RNF20: variants seen among roughly 807,000 people sequenced by gnomAD.
RNF20 encodes the protein ring finger protein 20, also known as E3 ubiquitin-protein ligase BRE1A.
RNF20 carries 84 observed loss-of-function variants against 126.2 expected under a neutral mutation model. The ratio of observed to expected loss-of-function variants is 0.67; its 90% confidence interval spans 0.56 to 0.80. RNF20 has a LOEUF of 0.80. Ranked by LOEUF, RNF20 falls within the 30% of genes least tolerant of loss-of-function variation. RNF20 has a pLI of 0.00. For synonymous variants in RNF20, 400 were observed against 414.3 expected (o/e 0.97, Z 0.42); for missense variants, 869 against 1,188.2 (o/e 0.73, Z 3.95).
intron 16 of RNF20, among the ~76,000 whole-genome samples, chr9:101,558,425 A>G (rs1827571535): frequency 6.6e-6 from 1 of 152,156 alleles, no homozygotes; most frequent in Non-Finnish European, 1.5e-5. Flanking sequence ...GATACCCGGA[A>G]GTGGGATTGC....
chr9:101,550,798 C>G lies in RNF20; in HGVS notation c.1272+13C>G. Reference sequence around the variant, plus strand: ...TGAGCTTATTGAGGTAATAGCCTTGCCTTGTCTTTTGTATGTAAGCTTTCT... The same window carrying G: ...TGAGCTTATTGAGGTAATAGCCTTGGCTTGTCTTTTGTATGTAAGCTTTCT... On this transcript the variant is annotated intron_variant, in intron 10 of 19. Transcript: ENST00000389120. 2 of 1,612,932 alleles carry G rather than the reference C, an allele frequency of 1.2e-6. No homozygotes were observed. Among genetic ancestry groups the G allele is most frequent in the Non-Finnish European group, 1.7e-6 (2 of 1,178,924 alleles).
chr9:101,540,133 C>G, intron 2 of RNF20, 70 bp from the exon 3 acceptor site: 2 of 1,405,036 alleles, frequency 1.4e-6, no homozygotes, highest in Non-Finnish European at 2.0e-6. Context: ...ATAATTGTGA[C>G]CTTGTTGAGT....
rs1827623682 is a variant in RNF20, at chr9:101,561,203, G to A, written c.2622G>A (p.Lys874=). The change falls in exon 18 of 20, where the codon AAG becomes AAA. Residue 874 remains lysine (K), a synonymous_variant. Coordinates refer to ENST00000389120, the MANE Select transcript of RNF20 (RefSeq NM_019592.7). ...TGGAGAACAGTGTTACCAAAGAAAA[G>A]GACATGTTCAATTTCAAACGAGCCC... ...EIVENSVTKE[K]DMFNFKRAQE... is the part of the protein sequence containing the mutation. 6.2e-7 allele frequency: 1 copy of A among 1,613,612 alleles called. No homozygotes were observed. Among genetic ancestry groups the A allele is most frequent in the Admixed American group, 1.7e-5 (1 of 59,956 alleles).
chr9:101,547,476 G>A lies in RNF20; in HGVS notation c.1050G>A (p.Arg350=). ...QNRLCELEKL[R]QDFEEVTTQN... is the part of the protein sequence containing the mutation. ...GTCTCTGTGAGCTGGAGAAACTTCG[G>A]CAAGACTTTGAGGAGGTCACTACAC... Residue 350 remains arginine (R), a synonymous_variant, in exon 9 of 20, where the codon CGG becomes CGA. Transcript: ENST00000389120. The A allele has an allele frequency of 1.9e-6, 3 of 1,614,178 alleles. No homozygotes were observed. The highest frequency in any genetic ancestry group is 2.5e-6 in the Non-Finnish European group (3 of 1,180,016).
At chr9:101,557,281 T>G in intron 15 of RNF20, 103 bp from the exon 16 acceptor site, 2 of 792,084 alleles carry the variant, frequency 2.5e-6, no homozygotes, top group Non-Finnish European at 4.0e-6. Context: ...TGTCACTAAA[T>G]TAATTTATAT....
At chr9:101,544,657 A>T in intron 5 of RNF20, 110 bp from the exon 6 acceptor site, 1 of 685,010 alleles carries the variant, frequency 1.5e-6, no homozygotes, top group South Asian at 1.7e-5. Flanking sequence ...CAGTGAGCCG[A>T]GATCGCGCCA....
At chr9:101,561,816 C>T (rs2118747818) in intron 18 of RNF20, 94 bp from the exon 19 acceptor site, 1 of 836,832 alleles carries the variant, frequency 1.2e-6, no homozygotes, top group Non-Finnish European at 2.1e-6. Context: ...TAGAAAGTCC[C>T]CTCTTTTCAC....
intron 2 of RNF20, among the ~76,000 whole-genome samples, chr9:101,539,593 G>T (rs1717166807): frequency 6.6e-6 from 1 of 152,140 alleles, no homozygotes; most frequent in African/African-American, 2.4e-5. Context: ...GGAAAGACGT[G>T]GTGTTTTTCA....
Position 101,546,847 on chromosome 9 carries a change from A to G in RNF20, c.775A>G (p.Thr259Ala), listed in dbSNP as rs867468139. The G allele has an allele frequency of 5.6e-6, 9 of 1,614,148 alleles. No homozygotes were observed. Among genetic ancestry groups the G allele is most frequent in the South Asian group, 3.3e-5 (3 of 91,078 alleles). ...CTCCAAGTTGCAGAGTAAAGTGGAG[A>G]CAGCCGAATCACGAGTGTCTGTCCT... Reference protein sequence around the residue: ...EFSKLQSKVETAESRVSVLES... With the variant: ...EFSKLQSKVEAAESRVSVLES... Residue 259 changes from threonine (T) to alanine (A), a missense_variant, in exon 7 of 20, where the codon ACA becomes GCA. Thr to Ala is a moderately conservative substitution (Grantham distance 58). Around this residue, in one of 8 missense-constraint regions of RNF20, gnomAD observed 103 missense variants for 94.3 expected, o/e 1.09. Transcript: ENST00000389120.
intron 9 of RNF20, among the ~76,000 whole-genome samples, chr9:101,548,648 T>G (rs1051838683): frequency 6.6e-6 from 1 of 152,160 alleles, no homozygotes; most frequent in Non-Finnish European, 1.5e-5. Flanking sequence ...AAATGTTAAG[T>G]TTTGTTGATA....
At chr9:101,536,008 T>A (rs1461706416) in intron 2 of RNF20, among the ~76,000 whole-genome samples, 3 of 152,216 alleles carry the variant, frequency 2.0e-5, no homozygotes, top group Non-Finnish European at 4.4e-5. Context: ...GCCTGTTTTC[T>A]TGTCTGTAAA....
At chr9:101,537,071 C>T (rs770305893) in intron 2 of RNF20, among the ~76,000 whole-genome samples, 2 of 152,254 alleles carry the variant, frequency 1.3e-5, no homozygotes, top group South Asian at 4.1e-4. Flanking sequence ...GCTGTGATTG[C>T]GGGACAGAAA....
rs148796454 is a variant in RNF20 at position 101,537,842 on chromosome 9, A to G, written c.129+2290A>G. On this transcript the variant is annotated intron_variant, in intron 2 of 19. Transcript: ENST00000389120. ...GTTATATTTAATAATAGTTCACTGG[A>G]GATACCAAAACACCTTTGTTGGTGA... is the stretch of plus-strand genomic sequence containing the variant. 4.1e-4 allele frequency among the ~76,000 whole-genome samples: 63 copies of G among 152,340 alleles called. 1 individual carries two copies. The East Asian group carries it at 0.011, about 27-fold the overall frequency.
rs754618501 is a variant in RNF20, at chr9:101,554,062, A to G, written c.1976A>G (p.Asp659Gly). ...CGTTCTGCCCCAAAGGAACAGAGAG[A>G]CAAAGTTCAGCTGATGGCAGCTGAG... ...MYRSAPKEQR[D>G]KVQLMAAEKK... Residue 659 changes from aspartate (D) to glycine (G), a missense_variant, in exon 14 of 20, where the codon GAC (aspartate) becomes GGC (glycine). Asp to Gly is a moderately conservative substitution (Grantham distance 94, BLOSUM62 -1). Transcript: ENST00000389120. The G allele has an allele frequency of 4.3e-6, 7 of 1,613,430 alleles. No homozygotes were observed. In the Admixed American group the frequency reaches 1.0e-4, roughly 23 times the overall value.
At chr9:101,554,234 C>A in intron 14 of RNF20, 129 bp downstream of exon 14, 1 of 578,468 alleles carries the variant, frequency 1.7e-6, no homozygotes, top group Non-Finnish European at 3.1e-6. Flanking sequence ...ACATTTTCTG[C>A]CTTTTCAAAG....
intron 2 of RNF20, among the ~76,000 whole-genome samples, chr9:101,539,068 G>C (rs1827223156): frequency 6.6e-6 from 1 of 152,142 alleles, no homozygotes; most frequent in African/African-American, 2.4e-5. Context: ...CAAAGAGATG[G>C]GGAATTGTTT....
intron 6 of RNF20, among the ~76,000 whole-genome samples, chr9:101,545,324 A>T (rs1014833336): frequency 6.6e-6 from 1 of 152,224 alleles, no homozygotes; most frequent in Non-Finnish European, 1.5e-5. Context: ...TTCAAAATAT[A>T]TTCTACTGGA....
intron 9 of RNF20, among the ~76,000 whole-genome samples, chr9:101,549,342 CAGAG>C (rs1038355800): frequency 2.6e-5 from 4 of 152,116 alleles, no homozygotes; most frequent in African/African-American, 7.2e-5. Flanking sequence ...AGAGAGGAGA[CAGAG>C]AGAGAAACAG....
At position 101,552,770 on chromosome 9, in the gene RNF20, G is replaced by A; in HGVS notation, c.1901+17G>A. 1 of 1,580,338 alleles carries A rather than the reference G, an allele frequency of 6.3e-7. No individual in the cohort carries two copies. Among genetic ancestry groups the A allele is most frequent in the Non-Finnish European group, 8.6e-7 (1 of 1,165,108 alleles). On this transcript the variant is annotated intron_variant, in intron 13 of 19. Transcript: ENST00000389120. ...TGAACTCAAGTAAGAACCACATTTA[G>A]AGTAACAGTTTCGACTGAAAAGCTA...
Sources: gnomAD v4.1 joint callset for allele counts (sites outside exome capture counted in the v4.1 genomes callset) on GRCh38, gnomAD v4.1.1 for gene constraint, gnomAD v4.1.1 regional missense constraint, MANE v1.5 for transcripts, NCBI Gene and HGNC (gene_info 2026-07-23, HGNC 2026-07-21) for gene names.